The following ADGRL3 variants were observed in gnomAD, a reference collection of about 807,000 sequenced individuals.
ADGRL3 encodes calcium-independent alpha-latrotoxin receptor 3.
ADGRL3 carries 62 observed loss-of-function variants against 153.5 expected under a neutral mutation model. The ratio of observed to expected loss-of-function variants is 0.40; its 90% CI spans 0.33 to 0.50. The LOEUF is 0.50. Among genes scored for constraint, ADGRL3 ranks in the 20% least tolerant of loss-of-function variants. The pLI, the probability that ADGRL3 is intolerant of heterozygous loss-of-function variation, is 0.47. For synonymous variants in ADGRL3, 710 were observed against 672.5 expected (o/e 1.06, Z -0.86); for missense variants, 1,641 against 1,859.4 (o/e 0.88, Z 2.16).
At chr4:61,400,967 G>A (rs918748909) in intron 2 of ADGRL3, among the ~76,000 whole-genome samples, 2 of 151,414 alleles carry the variant, frequency 1.3e-5, no homozygotes, top group Non-Finnish European at 3.0e-5. Context: ...TATTTTTATA[G>A]CACCTTTTCC....
Position 61,909,308 on chromosome 4 carries a change from A to G in ADGRL3, c.1888-252A>G, listed in dbSNP as rs571714607. Among the ~76,000 whole-genome samples the G allele has an allele frequency of 5.3e-5, 8 of 152,302 alleles. No homozygotes were observed. The South Asian group carries it at 1.7e-3, about 32-fold the overall frequency. ...GACCTAACGACCCAAATAGATAATTAAGGTAAGCATGATTTTTCAAAGTAA... is the reference window on the plus strand; with the variant it reads ...GACCTAACGACCCAAATAGATAATTGAGGTAAGCATGATTTTTCAAAGTAA... On this transcript the variant is annotated intron_variant, in intron 11 of 26. Transcript: ENST00000683033.
intron 1 of ADGRL3, among the ~76,000 whole-genome samples, chr4:61,235,920 T>G (rs1752612396): frequency 6.6e-6 from 1 of 152,116 alleles, no homozygotes; most frequent in Admixed American, 6.6e-5. Context: ...GTATATCAGC[T>G]TCTGTGAACT....
At chr4:62,019,992 C>T (rs1174517766) in intron 21 of ADGRL3, among the ~76,000 whole-genome samples, 1 of 152,104 alleles carries the variant, frequency 6.6e-6, no homozygotes, top group Non-Finnish European at 1.5e-5. Context: ...TTGCCTGCTT[C>T]CAACTGTGCT....
chr4:62,014,068 T>C (rs1017946211), intron 21 of ADGRL3, among the ~76,000 whole-genome samples: 6 of 151,950 alleles, frequency 3.9e-5, no homozygotes, highest in African/African-American at 9.7e-5. Flanking sequence ...TGGGTGATAA[T>C]GTAGTGAAAA....
intron 2 of ADGRL3, among the ~76,000 whole-genome samples, chr4:61,487,708 G>A (rs970784712): frequency 1.3e-5 from 2 of 151,866 alleles, no homozygotes; most frequent in Non-Finnish European, 2.9e-5. Context: ...TAAAAGTATA[G>A]CTATGTTCAT....
intron 1 of ADGRL3, among the ~76,000 whole-genome samples, chr4:61,334,974 AC>A (rs1282723880): frequency 3.9e-5 from 6 of 152,250 alleles, no homozygotes; most frequent in African/African-American, 1.4e-4. Context: ...TCCTCATTAA[AC>A]AAAAGAAGAA....
At chr4:61,363,194 T>G (rs2096322200) in intron 1 of ADGRL3, among the ~76,000 whole-genome samples, 1 of 152,188 alleles carries the variant, frequency 6.6e-6, no homozygotes, top group East Asian at 1.9e-4. Context: ...GTCCTAATGT[T>G]AGTTTCAGGG....
At position 61,413,184 on chromosome 4, in the gene ADGRL3, A is replaced by T. The variant is rs1290855897; in HGVS notation, c.-174+29995A>T. Among the ~76,000 whole-genome samples the T allele has an allele frequency of 2.0e-5, 3 of 152,136 alleles. No individual in the cohort carries two copies. In the East Asian group the frequency reaches 5.8e-4, roughly 29 times the overall value. ...CTTTTTATTATTGTTGGATGTGCTC[A>T]GGAGGTTAGGCTCCTCACTAGGCCT... On this transcript the variant is annotated intron_variant, in intron 2 of 26. Transcript: ENST00000683033.
chr4:61,271,242 T>C (rs539875696), intron 1 of ADGRL3, among the ~76,000 whole-genome samples: 2 of 151,992 alleles, frequency 1.3e-5, no homozygotes, highest in South Asian at 4.1e-4. Context: ...GCATTGAATG[T>C]CTAAGGCCTT....
chr4:61,522,734 G>C (rs562190759), intron 4 of ADGRL3, among the ~76,000 whole-genome samples: 1 of 152,086 alleles, frequency 6.6e-6, no homozygotes, highest in Non-Finnish European at 1.5e-5. Flanking sequence ...AAGCCAGAAG[G>C]CCTACATCTA....
chr4:61,788,570 T>A (rs902247714), intron 8 of ADGRL3, among the ~76,000 whole-genome samples: 4 of 152,096 alleles, frequency 2.6e-5, no homozygotes, highest in African/African-American at 9.7e-5. Context: ...TTTGACATAA[T>A]CTACCCCAAT....
intron 2 of ADGRL3, chr4:61,427,615 T>C (rs923806119): frequency 6.5e-6 from 1 of 152,744 alleles, no homozygotes; most frequent in African/African-American, 2.4e-5. Context: ...GGGGCCCCAG[T>C]GGCTGTTCCT....
chr4:61,380,300 A>T (rs1025260244), intron 1 of ADGRL3, among the ~76,000 whole-genome samples: 19 of 151,920 alleles, frequency 1.3e-4, no homozygotes, highest in African/African-American at 4.6e-4. Flanking sequence ...TGCTATTTTC[A>T]TCTGTTCAGT....
intron 2 of ADGRL3, among the ~76,000 whole-genome samples, chr4:61,412,954 G>A (rs1020129790): frequency 2.0e-5 from 3 of 152,130 alleles, no homozygotes; most frequent in Non-Finnish European, 4.4e-5. Flanking sequence ...AGTTTGACAT[G>A]TTCCTGGTTC....
At chr4:61,556,739 G>A (rs1316171796) in intron 4 of ADGRL3, among the ~76,000 whole-genome samples, 1 of 152,140 alleles carries the variant, frequency 6.6e-6, no homozygotes, top group Non-Finnish European at 1.5e-5. Flanking sequence ...ATGATAAAAG[G>A]CAATAGGTAC....
At chr4:61,703,136 G>A (rs945420216) in intron 6 of ADGRL3, among the ~76,000 whole-genome samples, 18 of 151,972 alleles carry the variant, frequency 1.2e-4, no homozygotes, top group African/African-American at 3.6e-4. Flanking sequence ...ATCATAATGA[G>A]AATCCTTAAG....
intron 8 of ADGRL3, among the ~76,000 whole-genome samples, chr4:61,748,277 C>T (rs138603663): frequency 0.087 from 13,167 of 152,036 alleles, 1,199 homozygotes; most frequent in African/African-American, 0.23. Flanking sequence ...AAAATGACCA[C>T]ACTGCCCAAG....
chr4:61,411,114 C>T (rs984466354), intron 2 of ADGRL3, among the ~76,000 whole-genome samples: 2 of 152,130 alleles, frequency 1.3e-5, no homozygotes, highest in Non-Finnish European at 2.9e-5. Flanking sequence ...TGGTCATATG[C>T]CCATGATGTC....
intron 15 of ADGRL3, among the ~76,000 whole-genome samples, chr4:61,938,910 G>T (rs1459952617): frequency 1.8e-5 from 2 of 111,630 alleles, no homozygotes; most frequent in Admixed American, 1.0e-4. Flanking sequence ...CTATCTCCCC[G>T]CCTGACTCAA....
Sources: gnomAD v4.1 joint callset for allele counts (sites outside exome capture counted in the v4.1 genomes callset) on GRCh38, gnomAD v4.1.1 for gene constraint, MANE v1.5 for transcripts, NCBI Gene and HGNC (gene_info 2026-07-23, HGNC 2026-07-21) for gene names.